FBXO17: variants seen among roughly 807,000 people sequenced by gnomAD.
The protein encoded by FBXO17 is F-box protein 17.
A neutral mutation model predicts 34.1 loss-of-function variants in FBXO17; 43 were observed. The ratio of observed to expected loss-of-function variants is 1.26; its 90% confidence interval spans 0.99 to 1.62. The LOEUF is 1.62. Ranked by LOEUF, FBXO17 falls within the 40% of genes most tolerant of loss-of-function variation. FBXO17 has a pLI of 0.00. For missense variants in FBXO17, 424 were observed against 386.7 expected, an observed-to-expected ratio of 1.10 and a Z score of -0.81; for synonymous variants, 169 against 166.0, an observed-to-expected ratio of 1.02 and a Z score of -0.14.
At chr19:38,974,393 T>A (rs1437038796) in intron 1 of FBXO17, among the ~76,000 whole-genome samples, 5 of 152,130 alleles carry the variant, frequency 3.3e-5, no homozygotes, top group African/African-American at 1.2e-4. Context: ...AAAAATATAT[T>A]TTTTAAAAAG....
chr19:38,961,005 A>G (rs2144833656), intron 1 of FBXO17, among the ~76,000 whole-genome samples: 1 of 150,316 alleles, frequency 6.7e-6, no homozygotes, highest in East Asian at 2.0e-4. Context: ...ACGGGGTTTC[A>G]CTGTGTTGGC....
chr19:38,955,465 T>G (rs568841911), intron 1 of FBXO17, among the ~76,000 whole-genome samples: 221 of 151,394 alleles, frequency 1.5e-3, no homozygotes, highest in African/African-American at 5.3e-3. Flanking sequence ...CCATTCTTTC[T>G]AAAACATTTT....
Position 38,950,056 on chromosome 19 carries a change from C to T in FBXO17, c.264G>A (p.Lys88=), listed in dbSNP as rs1333859462. 2 of 1,568,834 alleles carry T rather than the reference C, an allele frequency of 1.3e-6. No homozygotes were observed. ...AQRCLPSNED[K]EEFPLCALAR... ...CCAGGGCGCACAGCGGGAACTCCTCCTTGTCTTCGTTGCTGGGCAGGCAGC... is the reference window on the plus strand; with the variant it reads ...CCAGGGCGCACAGCGGGAACTCCTCTTTGTCTTCGTTGCTGGGCAGGCAGC... The change falls in exon 2 of 6, where the codon AAG becomes AAA. Residue 88 remains lysine, a synonymous_variant. Coordinates refer to ENST00000292852, the MANE Select transcript of FBXO17 (RefSeq NM_024907.7).
chr19:38,945,098 G>T lies in FBXO17; in HGVS notation c.564C>A (p.Gly188=), dbSNP rs138216167. The change falls in exon 5 of 6, where the codon GGC becomes GGA. Residue 188 remains glycine (G), a synonymous_variant. Transcript: ENST00000292852. ...AGACGCAGCCGCAGTTCTCTCGAGC[G>T]CCCCACCTGCCAGGCAGCAGTCAGC... The part of the protein sequence containing the change: ...QIEICVADWW[G]ARENCGCVYQ... The T allele has an allele frequency of 1.2e-6, 2 of 1,613,930 alleles. No homozygotes were observed. Among genetic ancestry groups the T allele is most frequent in the Admixed American group, 1.7e-5 (1 of 60,004 alleles).
intron 1 of FBXO17, among the ~76,000 whole-genome samples, chr19:38,957,614 G>A (rs1975185923): frequency 6.6e-6 from 1 of 152,158 alleles, no homozygotes; most frequent in Admixed American, 6.6e-5. Context: ...AAAGTGCTGG[G>A]ATTACAGACT....
intron 1 of FBXO17, among the ~76,000 whole-genome samples, chr19:38,953,263 T>C (rs1178834698): frequency 2.6e-5 from 4 of 152,002 alleles, no homozygotes; most frequent in Non-Finnish European, 5.9e-5. Context: ...GCTATGATTA[T>C]GCCACTGTAC....
Position 38,950,100 on chromosome 19 carries a change from G to A in FBXO17, c.220C>T (p.Leu74Phe). 1 of 1,564,526 alleles carries A rather than the reference G, an allele frequency of 6.4e-7. No individual in the cohort carries two copies. The highest frequency in any genetic ancestry group is 8.6e-7 in the Non-Finnish European group (1 of 1,157,136). ...ARDRSAEGRA[L>F]YAVAQRCLPS... ...AGGCAGCGTTGAGCCACTGCGTAGA[G>A]TGCGCGGCCCTCGGCGCTGCGGTCG... Residue 74 changes from leucine (L) to phenylalanine (F), a missense_variant, in exon 2 of 6, where the codon CTC becomes TTC. By Grantham distance (22) the Leu-to-Phe change is conservative. Coordinates refer to ENST00000292852, the MANE Select transcript of FBXO17 (RefSeq NM_024907.7).
At chr19:38,972,792 T>C (rs931732754) in intron 1 of FBXO17, among the ~76,000 whole-genome samples, 1 of 152,072 alleles carries the variant, frequency 6.6e-6, no homozygotes, top group African/African-American at 2.4e-5. Context: ...AGAGTTTTGC[T>C]CTTGTCGCCC....
At chr19:38,954,549 T>C (rs1404227266) in intron 1 of FBXO17, among the ~76,000 whole-genome samples, 2 of 142,252 alleles carry the variant, frequency 1.4e-5, no homozygotes, top group Non-Finnish European at 1.5e-5. Context: ...GGATTACAGG[T>C]GTGAGCCACT....
At chr19:38,965,609 C>T (rs1381503930) in intron 1 of FBXO17, among the ~76,000 whole-genome samples, 4 of 152,122 alleles carry the variant, frequency 2.6e-5, no homozygotes, top group Admixed American at 6.5e-5. Context: ...TGGGTTCAAG[C>T]GGTTCTCCAG....
At chr19:38,974,037 TATATATATACAC>T (rs1007879650) in intron 1 of FBXO17, among the ~76,000 whole-genome samples, 1 of 147,578 alleles carries the variant, frequency 6.8e-6, no homozygotes, top group African/African-American at 2.5e-5. Context: ...TATATACATA[TATATATATACAC>T]ATATATATAC....
intron 1 of FBXO17, among the ~76,000 whole-genome samples, chr19:38,954,893 ATTT>A (rs1204632707): frequency 1.4e-3 from 134 of 94,406 alleles, no homozygotes; most frequent in African/African-American, 4.9e-3. Context: ...ACAATGTGTT[ATTT>A]TATTATTATT....
At chr19:38,950,407 G>T (rs896451257) in intron 1 of FBXO17, 71 bp from the exon 2 acceptor site, 1 of 1,384,718 alleles carries the variant, frequency 7.2e-7, no homozygotes, top group Admixed American at 3.6e-5. Context: ...TGTCCCCCAG[G>T]GCGCAAGGCC....
intron 3 of FBXO17, chr19:38,947,071 T>A (rs1441948000): frequency 6.3e-6 from 1 of 157,954 alleles, no homozygotes; most frequent in African/African-American, 2.4e-5. Flanking sequence ...AAAAAGCAAA[T>A]CTCCATGGCA....
In FBXO17 at chr19:38,942,602, C is replaced by T. The variant is rs762611266; in HGVS notation, c.*6G>A. The T allele has an allele frequency of 6.4e-7, 1 of 1,550,398 alleles. No homozygotes were observed. The highest frequency in any genetic ancestry group is 8.7e-7 in the Non-Finnish European group (1 of 1,154,640). On this transcript the variant is annotated 3_prime_UTR_variant, in exon 6 of 6. Transcript: ENST00000292852. ...TGACTGACAACGTCAGGCAGTAGTC[C>T]AGTCGCTAGGACAGACGGATCCTGA...
rs367634131 is a variant in FBXO17, at chr19:38,943,567, G to A, written c.694-816C>T. 8.2e-4 allele frequency among the ~76,000 whole-genome samples: 123 copies of A among 150,884 alleles called. 1 individual carries two copies. In the East Asian group the frequency reaches 0.014, roughly 17 times the overall value. ...TGGGATTACAGGTGTGAGCCACTGCGCCCAGCCAAAATTTACCATTTTATT... is the reference window on the plus strand; with the variant it reads ...TGGGATTACAGGTGTGAGCCACTGCACCCAGCCAAAATTTACCATTTTATT... On this transcript the variant is annotated intron_variant, in intron 5 of 5. Transcript: ENST00000292852.
intron 4 of FBXO17, chr19:38,945,637 C>G (rs1187865050): frequency 8.9e-6 from 1 of 111,876 alleles, no homozygotes. Context: ...GGGGGAGGAG[C>G]CTGGGTGGTC....
intron 4 of FBXO17, chr19:38,946,249 G>C (rs1974981323): frequency 2.8e-6 from 2 of 725,892 alleles, no homozygotes; most frequent in Non-Finnish European, 4.3e-6. Flanking sequence ...GACCACCCCA[G>C]CCTGCTGGGA....
In FBXO17 at chr19:38,963,298, T is replaced by C. The variant is rs73047921; in HGVS notation, c.-18+12288A>G. Among the ~76,000 whole-genome samples, 619 of 83,726 alleles carry C rather than the reference T, an allele frequency of 7.4e-3. 3 individuals carry two copies. The highest frequency in any genetic ancestry group is 0.034 in the African/African-American group (526 of 15,268). 54.9% of individuals were successfully genotyped at this position (83,726 alleles called of 152,430 possible). On this transcript the variant is annotated intron_variant, in intron 1 of 5. Transcript: ENST00000292852. The stretch of plus-strand genomic sequence containing the variant: ...TAATGTCCGTGTGATTCACTCATAC[T>C]TTTTTTTTTTTTTTGAGGCAGGGTC...
Sources: gnomAD v4.1 joint callset for allele counts (sites outside exome capture counted in the v4.1 genomes callset) on GRCh38, gnomAD v4.1.1 for gene constraint, MANE v1.5 for transcripts, NCBI Gene and HGNC (gene_info 2026-07-23, HGNC 2026-07-21) for gene names.